Variants in TRIM72 observed in about 807,000 individuals in gnomAD.
The protein encoded by TRIM72 is tripartite motif containing 72, also known as tripartite motif-containing protein 72.
TRIM72 carries 33 observed loss-of-function variants against 31.6 expected under a neutral mutation model. The ratio of observed to expected loss-of-function variants is 1.04; its 90% CI spans 0.79 to 1.40. The LOEUF (loss-of-function observed/expected upper bound fraction) is 1.40, where lower values mean the gene tolerates loss of function less well. Ranked by LOEUF, TRIM72 falls within the 40% of genes most tolerant of loss-of-function variation. The probability of loss-of-function intolerance (pLI) is 0.00; values close to 1 mark genes in which losing one functional copy is unlikely to be tolerated. For missense variants in TRIM72, 666 were observed against 682.7 expected, an observed-to-expected ratio of 0.98 and a Z score of 0.27; for synonymous variants, 301 against 314.4, an observed-to-expected ratio of 0.96 and a Z score of 0.45.
Position 31,216,905 on chromosome 16 carries a change from C to T in TRIM72, c.390+1777C>T, listed in dbSNP as rs868032860. On this transcript the variant is annotated intron_variant, in intron 2 of 6. Transcript: ENST00000322122. This position sits in a 1 kb window ranked among gnomAD's most constrained non-coding sequence, Gnocchi z 6.7. ...ACGATATCTAGCTGCCCGAGCGCGC[C>T]CCGCGGGATGCGCTCAAAGCCCTCG... 6.2e-7 allele frequency: 1 copy of T among 1,613,968 alleles called. No homozygotes were observed. Among genetic ancestry groups the T allele is most frequent in the East Asian group, 2.2e-5 (1 of 44,752 alleles).
intron 6 of TRIM72, 109 bp from the exon 7 acceptor site, chr16:31,224,072 G>A: frequency 5.4e-6 from 7 of 1,303,108 alleles, no homozygotes; most frequent in Non-Finnish European, 7.3e-6. Context: ...AGCCCAGTGA[G>A]CAGAGATGCC....
In TRIM72 at chr16:31,224,165, G is replaced by A. The variant is rs765240001; in HGVS notation, c.860-16G>A. 2 of 1,599,442 alleles carry A rather than the reference G, an allele frequency of 1.3e-6. No individual in the cohort carries two copies. Among genetic ancestry groups the A allele is most frequent in the Non-Finnish European group, 1.7e-6 (2 of 1,179,308 alleles). On this transcript the variant is annotated splice_polypyrimidine_tract_variant and intron_variant, in intron 6 of 6. Transcript: ENST00000322122. ...GGCAGAAACCTAGGGTTTTCTGACC[G>A]TGTTCTCTCTGGCAGCGCTGGAGGA...
rs1334170262 is a variant in TRIM72 at position 31,226,493 on chromosome 16, T to C, written c.*1738T>C. ...ATGGCTGGAGCTGATTCTAGGTGAATAAACAACCCTCGACTTAACTTGCTT... is the reference window on the plus strand; with the variant it reads ...ATGGCTGGAGCTGATTCTAGGTGAACAAACAACCCTCGACTTAACTTGCTT... On this transcript the variant is annotated 3_prime_UTR_variant, in exon 7 of 7. Transcript: ENST00000322122. The C allele has an allele frequency of 6.6e-6, 1 of 152,134 alleles. No homozygotes were observed. Among genetic ancestry groups the C allele is most frequent in the African/African-American group, 2.4e-5 (1 of 41,430 alleles). The allele number at this position is 152,134 out of a possible 1,614,324, so 9.4% of individuals were successfully genotyped here.
At chr16:31,220,496 C>T (rs1466293214) in intron 4 of TRIM72, among the ~76,000 whole-genome samples, 64 of 58,680 alleles carry the variant, frequency 1.1e-3, no homozygotes, top group Non-Finnish European at 1.6e-3. Context: ...TGAGACAGGG[C>T]TTTGCTCTGT....
chr16:31,224,275 GC>G lies in TRIM72; in HGVS notation c.956del (p.Pro319ArgfsTer43). On this transcript the variant is annotated frameshift_variant, in exon 7 of 7. Transcript: ENST00000322122. LOFTEE classifies it low-confidence loss of function (END_TRUNC). ...GCGTGGAGTGCTCGGAGCAGAAGGC[GC>G]CGCCGGCCGGGGAGGACCCGCGCCA... is the stretch of plus-strand genomic sequence containing the variant. ...RRVECSEQKA[P>X]PAGEDPRQFD... The G allele has an allele frequency of 6.2e-7, 1 of 1,603,566 alleles. No individual in the cohort carries two copies. Among genetic ancestry groups the G allele is most frequent in the East Asian group, 2.2e-5 (1 of 44,760 alleles).
chr16:31,219,919 C>T lies in TRIM72; in HGVS notation c.717+400C>T, dbSNP rs772160776. Reference sequence around the variant, plus strand: ...CTGGGACTACAGGCACCCGCCACCACGCCTGGCTAATTTTTTCTATTTTTC... The same window carrying T: ...CTGGGACTACAGGCACCCGCCACCATGCCTGGCTAATTTTTTCTATTTTTC... On this transcript the variant is annotated intron_variant, in intron 4 of 6. Coordinates refer to ENST00000322122, the MANE Select transcript of TRIM72 (RefSeq NM_001008274.4). The surrounding 1 kb of genome is among the most constrained non-coding windows in gnomAD (Gnocchi z 4.2). Among the ~76,000 whole-genome samples, 5 of 151,726 alleles carry T rather than the reference C, an allele frequency of 3.3e-5. No homozygotes were observed. The highest frequency in any genetic ancestry group is 6.6e-5 in the Admixed American group (1 of 15,202).
chr16:31,219,141 G>T lies in TRIM72; in HGVS notation c.437G>T (p.Arg146Leu). The T allele has an allele frequency of 6.2e-7, 1 of 1,604,112 alleles. No homozygotes were observed. The highest frequency in any genetic ancestry group is 8.5e-7 in the Non-Finnish European group (1 of 1,175,316). The change falls in exon 3 of 7, where the codon CGC (arginine) becomes CTC (leucine). Residue 146 changes from arginine to leucine, a missense_variant. Transcript: ENST00000322122. The surrounding 1 kb of genome is among the most constrained non-coding windows in gnomAD (Gnocchi z 4.2). ...CTGCAGCTGCAGGAGGCATGCATGCGCAAGGAGAAGAGTGTGGCTGTGCTG... is the reference window on the plus strand; with the variant it reads ...CTGCAGCTGCAGGAGGCATGCATGCTCAAGGAGAAGAGTGTGGCTGTGCTG... ...QKLQLQEACM[R>L]KEKSVAVLEH...
In TRIM72 at chr16:31,219,607, G is replaced by A. The variant is rs961018662; in HGVS notation, c.717+88G>A. 1.6e-6 allele frequency: 2 copies of A among 1,285,026 alleles called. No homozygotes were observed. 79.6% of individuals were successfully genotyped at this position (1,285,026 alleles called of 1,614,324 possible). The stretch of plus-strand genomic sequence containing the variant: ...CCATTGTCAGATAGGCCCAGAGAGG[G>A]GCAGGGATAAGCCAGCAGCACACAG... On this transcript the variant is annotated intron_variant, in intron 4 of 6. Transcript: ENST00000322122. The surrounding 1 kb of genome is among the most constrained non-coding windows in gnomAD (Gnocchi z 4.2).
intron 5 of TRIM72, among the ~76,000 whole-genome samples, chr16:31,222,007 G>A (rs2079536485): frequency 6.6e-6 from 1 of 152,168 alleles, no homozygotes. Flanking sequence ...GAGGGCTGGC[G>A]AGTGGGAGGG....
chr16:31,217,530 T>C (rs2079515871), intron 2 of TRIM72, among the ~76,000 whole-genome samples: 1 of 149,584 alleles, frequency 6.7e-6, no homozygotes, highest in Admixed American at 6.7e-5. Flanking sequence ...GGCAGGAGTA[T>C]TGGGAGCTCT....
rs2079569752 is a variant in TRIM72, at chr16:31,231,530, A to G, written c.*6775A>G. 6.6e-6 allele frequency: 1 copy of G among 152,124 alleles called. No individual in the cohort carries two copies. The highest frequency in any genetic ancestry group is 6.6e-5 in the Admixed American group (1 of 15,262). 9.4% of individuals were successfully genotyped at this position (152,124 alleles called of 1,614,324 possible). On this transcript the variant is annotated 3_prime_UTR_variant, in exon 7 of 7. Coordinates refer to ENST00000322122, the MANE Select transcript of TRIM72 (RefSeq NM_001008274.4). ...GTCACGTTCCCATTAAAACAAACAT[A>G]GAGTACAGAATCTGTGTGAATTTTC...
chr16:31,217,040 GC>G, intron 2 of TRIM72: 1 of 1,604,270 alleles, frequency 6.2e-7, no homozygotes, highest in East Asian at 2.2e-5. Flanking sequence ...GCTCAGCCCT[GC>G]GCCTCTGAGC....
chr16:31,224,298 G>A lies in TRIM72; in HGVS notation c.977G>A (p.Arg326His), dbSNP rs2079546057. The stretch of plus-strand genomic sequence containing the variant: ...GCGCCGCCGGCCGGGGAGGACCCGC[G>A]CCAGTTCGACAAGGCGGTGGCGGTG... ...QKAPPAGEDP[R>H]QFDKAVAVVA... Residue 326 changes from arginine to histidine, a missense_variant, in exon 7 of 7, where the codon CGC (arginine) becomes CAC (histidine). By Grantham distance (29) the Arg-to-His change is conservative. Coordinates refer to ENST00000322122, the MANE Select transcript of TRIM72 (RefSeq NM_001008274.4). The A allele has an allele frequency of 6.2e-7, 1 of 1,602,522 alleles. No individual in the cohort carries two copies. The highest frequency in any genetic ancestry group is 2.2e-5 in the East Asian group (1 of 44,668).
At position 31,224,340 on chromosome 16, in the gene TRIM72, T is replaced by TCTC. The variant is rs1374692350; in HGVS notation, c.1021_1023dup (p.Ser341dup). ...GTGGCGGTGGTGGCGCACCAGCAGCTCTCCGAGGGCGAGCACTACTGGGAG... is the reference window on the plus strand; with the variant it reads ...GTGGCGGTGGTGGCGCACCAGCAGCTCTCCTCCGAGGGCGAGCACTACTGGGAG... On this transcript the variant is annotated inframe_insertion, in exon 7 of 7. Transcript: ENST00000322122. 1 of 1,588,222 alleles carries TCTC rather than the reference T, an allele frequency of 6.3e-7. No homozygotes were observed. The highest frequency in any genetic ancestry group is 1.3e-5 in the African/African-American group (1 of 74,128).
rs534414879 is a variant in TRIM72 at position 31,229,351 on chromosome 16, C to T, written c.*4596C>T. The T allele has an allele frequency of 6.6e-6, 1 of 152,350 alleles. No individual in the cohort carries two copies. Among genetic ancestry groups the T allele is most frequent in the African/African-American group, 2.4e-5 (1 of 41,560 alleles). The allele number at this position is 152,350 out of a possible 1,614,324, so 9.4% of individuals were successfully genotyped here. On this transcript the variant is annotated 3_prime_UTR_variant, in exon 7 of 7. Transcript: ENST00000322122. ...CGGGACCCGGGCTGGCTTTAGTCTC[C>T]CTGCAGAGCTGAGTAATGTATGCTG...
chr16:31,222,785 T>TTCCCC, intron 5 of TRIM72, 42 bp from the exon 6 acceptor site: 1 of 447,448 alleles, frequency 2.2e-6, no homozygotes, highest in South Asian at 2.4e-5. Flanking sequence ...GCCCTTGTCC[T>TTCCCC]CCCCCCTCAC....
intron 2 of TRIM72, among the ~76,000 whole-genome samples, chr16:31,217,716 G>A (rs1455324743): frequency 6.6e-6 from 1 of 151,706 alleles, no homozygotes; most frequent in Non-Finnish European, 1.5e-5. Context: ...CCTGGTTCAA[G>A]TGATTCTCCT....
In TRIM72 at chr16:31,225,053, G is replaced by A. The variant is rs1236284922; in HGVS notation, c.*298G>A. 1.3e-5 allele frequency: 3 copies of A among 234,712 alleles called. No homozygotes were observed. The highest frequency in any genetic ancestry group is 2.5e-5 in the Non-Finnish European group (3 of 121,286). 14.5% of individuals were successfully genotyped at this position (234,712 alleles called of 1,614,324 possible). A position where few individuals can be genotyped will look rare whatever the true frequency, so the allele number is the denominator to read the frequency against. On this transcript the variant is annotated 3_prime_UTR_variant, in exon 7 of 7. Coordinates refer to ENST00000322122, the MANE Select transcript of TRIM72 (RefSeq NM_001008274.4). ...GAAAATACAAAAATGAGCTGGGCGC[G>A]GTGGCATACGCCTGTAATCCCAGCT...
intron 1 of TRIM72, 91 bp downstream of exon 1, chr16:31,214,388 A>C: frequency 4.7e-6 from 1 of 212,372 alleles, no homozygotes; most frequent in Non-Finnish European, 9.3e-6. Flanking sequence ...GGCTCTGGAG[A>C]ATTTGGGTCC....
Sources: allele counts gnomAD v4.1 joint callset (sites outside exome capture counted in the v4.1 genomes callset), GRCh38; gene constraint gnomAD v4.1.1; non-coding constraint Gnocchi (gnomAD v3.1); transcripts MANE v1.5; gene names NCBI Gene and HGNC (gene_info 2026-07-23, HGNC 2026-07-21).